NEK10: variants seen among roughly 807,000 people sequenced by gnomAD.
NEK10 encodes the protein NIMA related kinase 10, also known as serine/threonine-protein kinase Nek10.
NEK10 carries 122 observed loss-of-function variants against 159.8 expected under a neutral mutation model. The ratio of observed to expected loss-of-function variants is 0.76; its 90% CI spans 0.66 to 0.89. The LOEUF (loss-of-function observed/expected upper bound fraction) is 0.89. Ranked by LOEUF, NEK10 falls within the 40% of genes least tolerant of loss-of-function variation. The pLI is 0.00. For missense variants in NEK10, 1,342 were observed against 1,323.1 expected (o/e 1.01, Z -0.22); for synonymous variants, 466 against 457.1 (o/e 1.02, Z -0.25).
chr3:27,182,184 A>G (rs1236030720), intron 26 of NEK10, among the ~76,000 whole-genome samples: 1 of 152,126 alleles, frequency 6.6e-6, no homozygotes, highest in African/African-American at 2.4e-5. Context: ...AAATACTGAG[A>G]TTGGATTTTA....
intron 14 of NEK10, 113 bp downstream of exon 14, chr3:27,297,066 A>T (rs1429419468): frequency 3.3e-6 from 2 of 602,990 alleles, no homozygotes; most frequent in Non-Finnish European, 6.0e-6. Flanking sequence ...AAATAGTTTT[A>T]AAATCACATG....
chr3:27,258,283 A>G (rs890687027), intron 22 of NEK10, among the ~76,000 whole-genome samples: 1 of 151,996 alleles, frequency 6.6e-6, no homozygotes, highest in African/African-American at 2.4e-5. Context: ...AGTTTGTTAC[A>G]TATGTATACA....
chr3:27,244,277 C>A (rs1254713052), intron 23 of NEK10, among the ~76,000 whole-genome samples: 1 of 152,192 alleles, frequency 6.6e-6, no homozygotes, highest in South Asian at 2.1e-4. Context: ...AAATAAAACA[C>A]CTATTTTACA....
At chr3:27,230,832 T>C (rs1217553385) in intron 23 of NEK10, among the ~76,000 whole-genome samples, 1 of 152,054 alleles carries the variant, frequency 6.6e-6, no homozygotes. Flanking sequence ...CAATCCTAAA[T>C]ACATACGCAC....
At chr3:27,273,558 G>A (rs1029446794) in intron 22 of NEK10, among the ~76,000 whole-genome samples, 1 of 152,198 alleles carries the variant, frequency 6.6e-6, no homozygotes, top group African/African-American at 2.4e-5. Context: ...AAGGGATGTA[G>A]CTATGGGTGG....
chr3:27,300,745 C>A (rs992486115), intron 13 of NEK10, among the ~76,000 whole-genome samples: 4 of 152,146 alleles, frequency 2.6e-5, no homozygotes, highest in African/African-American at 9.7e-5. Flanking sequence ...ACACTCAGAG[C>A]TCTGAGATTC....
In NEK10 at chr3:27,149,192, G is replaced by T. The variant is rs1017223696; in HGVS notation, c.2870-7610C>A. The stretch of plus-strand genomic sequence containing the variant: ...ACTGCTTCTGATTACTTATGCAGTT[G>T]CTCTCAATACAATAGCAAAGATAAA... On this transcript the variant is annotated intron_variant, in intron 30 of 35. Transcript: ENST00000691995. Among the ~76,000 whole-genome samples the T allele has an allele frequency of 4.0e-5, 6 of 151,856 alleles. No individual in the cohort carries two copies. The East Asian group carries it at 1.2e-3, about 29-fold the overall frequency.
intron 23 of NEK10, among the ~76,000 whole-genome samples, chr3:27,239,629 C>T (rs1285799520): frequency 6.6e-6 from 1 of 152,124 alleles, no homozygotes; most frequent in Non-Finnish European, 1.5e-5. Context: ...ACATGACTTT[C>T]CTAAGATATT....
rs1389803284 is a variant in NEK10 at position 27,304,798 on chromosome 3, A to G, written c.977T>C (p.Val326Ala). 1.2e-6 allele frequency: 2 copies of G among 1,613,804 alleles called. No individual in the cohort carries two copies. Among genetic ancestry groups the G allele is most frequent in the African/African-American group, 2.7e-5 (2 of 74,908 alleles). ...GATGCCTCCCCAAATGCGAATTTCC[A>G]CGCTGGTCTCAGGGTCCTCACAAAC... is the stretch of plus-strand genomic sequence containing the variant. ...VQVCEDPETS[V>A]EIRIWGGIKQ... The change falls in exon 12 of 36, where the codon GTG becomes GCG. Residue 326 changes from valine to alanine, a missense_variant. Physicochemically the swap from Val to Ala is moderately conservative, Grantham distance 64. Coordinates refer to ENST00000691995, the MANE Select transcript of NEK10 (RefSeq NM_001394966.1).
chr3:27,154,178 A>G (rs2103019), intron 30 of NEK10, among the ~76,000 whole-genome samples: 3 of 152,168 alleles, frequency 2.0e-5, no homozygotes, highest in African/African-American at 7.2e-5. Context: ...AACACCTTTA[A>G]GAATATAAAC....
chr3:27,257,309 T>C (rs960368693), intron 22 of NEK10, among the ~76,000 whole-genome samples: 3 of 152,176 alleles, frequency 2.0e-5, no homozygotes. Flanking sequence ...TTTCAAGAAA[T>C]TTAATTACCA....
chr3:27,199,789 C>T (rs1451676965), intron 25 of NEK10, among the ~76,000 whole-genome samples: 3 of 152,120 alleles, frequency 2.0e-5, no homozygotes, highest in African/African-American at 7.2e-5. Flanking sequence ...TAAAAAGCAA[C>T]AACATCATGT....
chr3:27,214,312 CG>C (rs1951285676), intron 23 of NEK10, among the ~76,000 whole-genome samples: 1 of 152,202 alleles, frequency 6.6e-6, no homozygotes, highest in Non-Finnish European at 1.5e-5. Flanking sequence ...TGACGGGTCA[CG>C]GTCCTCACAT....
At chr3:27,259,600 C>A (rs2040216301) in intron 22 of NEK10, among the ~76,000 whole-genome samples, 1 of 152,166 alleles carries the variant, frequency 6.6e-6, no homozygotes, top group Non-Finnish European at 1.5e-5. Flanking sequence ...GTACCAGTAC[C>A]ATGCTGTTTT....
chr3:27,321,647 A>G (rs1287089682), intron 6 of NEK10, among the ~76,000 whole-genome samples: 1 of 152,194 alleles, frequency 6.6e-6, no homozygotes, highest in African/African-American at 2.4e-5. Context: ...ATGCCCAACC[A>G]GGAAAAGATT....
At chr3:27,196,746 G>T (rs1469000993) in intron 25 of NEK10, among the ~76,000 whole-genome samples, 1 of 152,074 alleles carries the variant, frequency 6.6e-6, no homozygotes, top group African/African-American at 2.4e-5. Context: ...CGCCCTTTGT[G>T]GCACTCAAAT....
intron 22 of NEK10, among the ~76,000 whole-genome samples, chr3:27,259,292 C>T: frequency 6.6e-6 from 1 of 152,144 alleles, no homozygotes; most frequent in Non-Finnish European, 1.5e-5. Context: ...AAGTCCTCGC[C>T]CATGCCTATG....
chr3:27,169,474 G>C (rs1459959163), intron 29 of NEK10, among the ~76,000 whole-genome samples: 1 of 152,112 alleles, frequency 6.6e-6, no homozygotes, highest in Non-Finnish European at 1.5e-5. Flanking sequence ...ATATCTTTCT[G>C]ATAGATCATA....
chr3:27,174,679 T>C lies in NEK10; in HGVS notation c.2660A>G (p.Asp887Gly), dbSNP rs112105117. The C allele has an allele frequency of 6.2e-7, 1 of 1,611,680 alleles. No homozygotes were observed. The highest frequency in any genetic ancestry group is 2.2e-5 in the East Asian group (1 of 44,864). ...CTCAGCATTTTCCAGGTTGAAGTTA[T>C]CATCTGACAGGATTTCGTCACAGGC... ...DRACDEILSD[D>G]NFNLENAEKD... The change falls in exon 27 of 36, where the codon GAT becomes GGT. Residue 887 changes from aspartate (D) to glycine (G), a missense_variant. Coordinates refer to ENST00000691995, the MANE Select transcript of NEK10 (RefSeq NM_001394966.1).
Sources: gnomAD v4.1 joint callset for allele counts (sites outside exome capture counted in the v4.1 genomes callset) on GRCh38, gnomAD v4.1.1 for gene constraint, MANE v1.5 for transcripts, NCBI Gene and HGNC (gene_info 2026-07-23, HGNC 2026-07-21) for gene names.